GPR141: variants seen among roughly 807,000 people sequenced by gnomAD.
GPR141 encodes G protein-coupled receptor 141.
In GPR141, 6 loss-of-function variants were observed where a neutral mutation model predicts 6.8. The ratio of observed to expected loss-of-function variants is 0.88; its 90% CI spans 0.48 to 1.74. The LOEUF is 1.74. GPR141 is among the 40% of genes most tolerant of loss of function. GPR141 has a pLI of 0.01. For missense variants in GPR141, 372 were observed against 372.9 expected (o/e 1.00, Z 0.02); for synonymous variants, 140 against 142.3 (o/e 0.98, Z 0.11).
At chr7:37,725,491 T>C (rs1811582136) in intron 2 of GPR141, among the ~76,000 whole-genome samples, 1 of 152,194 alleles carries the variant, frequency 6.6e-6, no homozygotes, top group African/African-American at 2.4e-5. Context: ...CTGCCCTTGA[T>C]ATGAATGAAT....
chr7:37,721,832 G>T (rs892874223), intron 2 of GPR141, among the ~76,000 whole-genome samples: 1 of 152,172 alleles, frequency 6.6e-6, no homozygotes, highest in Admixed American at 6.5e-5. Flanking sequence ...TATGGTGTCT[G>T]TCTCAGGGGG....
chr7:37,702,439 C>T (rs561655305), intron 2 of GPR141, among the ~76,000 whole-genome samples: 1 of 151,250 alleles, frequency 6.6e-6, no homozygotes, highest in African/African-American at 2.4e-5. Flanking sequence ...CGTTTTTTTA[C>T]CTTTACTAGT....
chr7:37,720,368 T>C (rs1467974169), intron 2 of GPR141, among the ~76,000 whole-genome samples: 9 of 152,188 alleles, frequency 5.9e-5, no homozygotes, highest in Admixed American at 5.9e-4. Flanking sequence ...AGCATGTGAA[T>C]TGAGCACACC....
At position 37,740,614 on chromosome 7, in the gene GPR141, C is replaced by T. The variant is rs1436295272; in HGVS notation, c.221C>T (p.Thr74Ile). Residue 74 changes from threonine (T) to isoleucine (I), a missense_variant, in exon 3 of 3, where the codon ACC (threonine) becomes ATC (isoleucine). Physicochemically the swap from Thr to Ile is moderately conservative, Grantham distance 89. Coordinates refer to ENST00000334425, the MANE Select transcript of GPR141 (RefSeq NM_001381946.1). ...CTGCTGACAGTGCCATTTCGCTTGACCTACCTCATCAAGAAGACTTGGATG... is the reference window on the plus strand; with the variant it reads ...CTGCTGACAGTGCCATTTCGCTTGATCTACCTCATCAAGAAGACTTGGATG... ...VFLLTVPFRL[T>I]YLIKKTWMFG... 5 of 1,613,922 alleles carry T rather than the reference C, an allele frequency of 3.1e-6. No individual in the cohort carries two copies. The highest frequency in any genetic ancestry group is 3.3e-4 in the Middle Eastern group (2 of 6,082).
At chr7:37,738,040 A>T (rs1357216840) in intron 2 of GPR141, among the ~76,000 whole-genome samples, 1 of 152,210 alleles carries the variant, frequency 6.6e-6, no homozygotes, top group Non-Finnish European at 1.5e-5. Context: ...TAGGAGATTC[A>T]CAATGCTTCT....
chr7:37,701,177 C>T (rs551372069), intron 2 of GPR141, among the ~76,000 whole-genome samples: 2 of 152,308 alleles, frequency 1.3e-5, no homozygotes, highest in African/African-American at 4.8e-5. Flanking sequence ...CTTCCAAGTG[C>T]TTCAAATGGA....
intron 2 of GPR141, among the ~76,000 whole-genome samples, chr7:37,728,752 G>A (rs1811761929): frequency 6.6e-6 from 1 of 152,050 alleles, no homozygotes; most frequent in Admixed American, 6.5e-5. Context: ...TGTGTGGGAT[G>A]AGATCAGACC....
intron 2 of GPR141, among the ~76,000 whole-genome samples, chr7:37,725,603 G>A (rs1583564835): frequency 6.6e-6 from 1 of 152,154 alleles, no homozygotes; most frequent in South Asian, 2.1e-4. Flanking sequence ...CTCTTTTTTT[G>A]CACAATGGCT....
chr7:37,696,595 G>C (rs911300032), intron 2 of GPR141, among the ~76,000 whole-genome samples: 14 of 151,522 alleles, frequency 9.2e-5, no homozygotes, highest in African/African-American at 3.4e-4. Flanking sequence ...TGCACATATG[G>C]AATTGTTCTC....
intron 2 of GPR141, among the ~76,000 whole-genome samples, chr7:37,718,448 C>T (rs1425738298): frequency 4.6e-5 from 7 of 151,120 alleles, no homozygotes; most frequent in Non-Finnish European, 8.8e-5. Flanking sequence ...CCCAGGAGTT[C>T]GAGGCTACAG....
At chr7:37,726,798 G>T (rs1377368809) in intron 2 of GPR141, among the ~76,000 whole-genome samples, 1 of 152,166 alleles carries the variant, frequency 6.6e-6, no homozygotes, top group East Asian at 1.9e-4. Flanking sequence ...TCTGCAGACT[G>T]TGTTAATATT....
In GPR141 at chr7:37,741,060, G is replaced by T; in HGVS notation, c.667G>T (p.Ala223Ser). 1 of 1,614,084 alleles carries T rather than the reference G, an allele frequency of 6.2e-7. No individual in the cohort carries two copies. Among genetic ancestry groups the T allele is most frequent in the Admixed American group, 1.7e-5 (1 of 60,018 alleles). ...HSLLSHQEFW[A>S]QLKNLFFIGV... Reference sequence around the variant, plus strand: ...TTTACTATCCCACCAGGAGTTCTGGGCTCAGCTGAAAAACCTATTTTTTAT... The same window carrying T: ...TTTACTATCCCACCAGGAGTTCTGGTCTCAGCTGAAAAACCTATTTTTTAT... Residue 223 changes from alanine to serine, a missense_variant, in exon 3 of 3, where the codon GCT becomes TCT. Transcript: ENST00000334425.
At chr7:37,725,296 C>T (rs1811570983) in intron 2 of GPR141, among the ~76,000 whole-genome samples, 2 of 152,202 alleles carry the variant, frequency 1.3e-5, no homozygotes, top group South Asian at 4.1e-4. Context: ...GAAGGTGAAT[C>T]TGCAGTCCCA....
At chr7:37,700,858 AAT>A (rs1810250611) in intron 2 of GPR141, among the ~76,000 whole-genome samples, 1 of 152,154 alleles carries the variant, frequency 6.6e-6, no homozygotes, top group Non-Finnish European at 1.5e-5. Context: ...TCAAATCTTT[AAT>A]ATCGCCACTA....
chr7:37,732,995 T>C (rs1812048773), intron 2 of GPR141, among the ~76,000 whole-genome samples: 1 of 152,158 alleles, frequency 6.6e-6, no homozygotes, highest in Admixed American at 6.5e-5. Flanking sequence ...TGGGTTTGCC[T>C]GGGAAACAAT....
At chr7:37,698,801 A>T (rs1562769412) in intron 2 of GPR141, among the ~76,000 whole-genome samples, 1 of 152,170 alleles carries the variant, frequency 6.6e-6, no homozygotes, top group Admixed American at 6.5e-5. Context: ...TCACATCTGA[A>T]ATAAAAGAAA....
chr7:37,711,223 A>G (rs893596967), intron 2 of GPR141, among the ~76,000 whole-genome samples: 6 of 152,206 alleles, frequency 3.9e-5, no homozygotes, highest in South Asian at 2.1e-4. Context: ...TTAAAACCCA[A>G]TTGCTGAGCC....
At chr7:37,693,380 G>A (rs1435086346) in intron 2 of GPR141, among the ~76,000 whole-genome samples, 1 of 152,174 alleles carries the variant, frequency 6.6e-6, no homozygotes, top group African/African-American at 2.4e-5. Flanking sequence ...TTTGGTACCA[G>A]TATCATGCTG....
chr7:37,720,516 T>A (rs1453936881), intron 2 of GPR141, among the ~76,000 whole-genome samples: 1 of 152,148 alleles, frequency 6.6e-6, no homozygotes, highest in Non-Finnish European at 1.5e-5. Flanking sequence ...CCGAAGCAGA[T>A]GGATCACAAG....
Sources: gnomAD v4.1 joint callset for allele counts (sites outside exome capture counted in the v4.1 genomes callset) on GRCh38, gnomAD v4.1.1 for gene constraint, MANE v1.5 for transcripts, NCBI Gene and HGNC (gene_info 2026-07-23, HGNC 2026-07-21) for gene names.